The following CTCF variants were observed in gnomAD, a reference collection of about 807,000 sequenced individuals.
CTCF encodes the protein transcriptional repressor CTCF.
Under a neutral mutation model 72.3 loss-of-function variants are expected in CTCF, and 7 were observed. The ratio of observed to expected loss-of-function variants is 0.10; its 90% CI spans 0.06 to 0.18. The LOEUF is 0.18. Ranked by LOEUF, CTCF falls within the 10% of genes least tolerant of loss-of-function variation. CTCF has a pLI of 1.00. For synonymous variants in CTCF, 374 were observed against 315.8 expected (o/e 1.18, Z -1.95); for missense variants, 516 against 949.1 (o/e 0.54, Z 6.00).
At chr16:67,603,556 G>A (rs919817162) in intron 2 of CTCF, among the ~76,000 whole-genome samples, 1 of 151,450 alleles carries the variant, frequency 6.6e-6, no homozygotes, top group Non-Finnish European at 1.5e-5. Flanking sequence ...TGGGTGTGGT[G>A]GCTCACACCT....
At chr16:67,606,528 A>G (rs1451171119) in intron 2 of CTCF, among the ~76,000 whole-genome samples, 2 of 151,742 alleles carry the variant, frequency 1.3e-5, no homozygotes, top group South Asian at 2.1e-4. Context: ...CCCGGCCCCT[A>G]TTTTGCTCTT....
intron 2 of CTCF, among the ~76,000 whole-genome samples, chr16:67,575,547 C>A (rs894287901): frequency 6.6e-6 from 1 of 151,998 alleles, no homozygotes; most frequent in Non-Finnish European, 1.5e-5. Flanking sequence ...CGGGTTCAAC[C>A]GATTCTCCTG....
rs1352785689 is a variant in CTCF at position 67,571,221 on chromosome 16, G to T, written c.-53G>T. 6.6e-6 allele frequency: 1 copy of T among 152,574 alleles called. No individual in the cohort carries two copies. Among genetic ancestry groups the T allele is most frequent in the Non-Finnish European group, 1.5e-5 (1 of 68,044 alleles). The allele number at this position is 152,574 out of a possible 1,614,324, so 9.5% of individuals were successfully genotyped here. On this transcript the variant is annotated 5_prime_UTR_variant, in exon 2 of 12. Coordinates refer to ENST00000264010, the MANE Select transcript of CTCF (RefSeq NM_006565.4). ...TTGCTGACCAGGGGCTTGAGAGCTG[G>T]GTTCTATTTTCCCTCCTCAAACTGA...
intron 2 of CTCF, among the ~76,000 whole-genome samples, chr16:67,584,885 A>G (rs2051648255): frequency 6.6e-6 from 1 of 152,160 alleles, no homozygotes. Flanking sequence ...TGGGTTTCCC[A>G]GAATTTCCTG....
chr16:67,632,701 A>G (rs1287921602), intron 10 of CTCF, among the ~76,000 whole-genome samples: 1 of 152,180 alleles, frequency 6.6e-6, no homozygotes, highest in Non-Finnish European at 1.5e-5. Context: ...CATTGGGCCA[A>G]CTTAGGCAAT....
intron 10 of CTCF, chr16:67,635,772 A>T (rs2052420887): frequency 6.6e-6 from 1 of 151,084 alleles, no homozygotes; most frequent in Non-Finnish European, 1.5e-5. Context: ...TACAGGTGTG[A>T]GCCACCACGC....
intron 2 of CTCF, among the ~76,000 whole-genome samples, chr16:67,602,829 G>A (rs2051914339): frequency 2.6e-5 from 3 of 117,010 alleles, no homozygotes; most frequent in South Asian, 2.6e-4. Flanking sequence ...CAACAAGAGT[G>A]AAACTCCATC....
chr16:67,587,138 G>A (rs996547259), intron 2 of CTCF, among the ~76,000 whole-genome samples: 4 of 128,886 alleles, frequency 3.1e-5, no homozygotes, highest in Admixed American at 9.4e-5. Flanking sequence ...ACAGGGTCTC[G>A]CTCTGTCGCC....
Position 67,612,636 on chromosome 16 carries a change from TA to T in CTCF, c.952+527del, listed in dbSNP as rs924682492. On this transcript the variant is annotated intron_variant, in intron 4 of 11. Coordinates refer to ENST00000264010, the MANE Select transcript of CTCF (RefSeq NM_006565.4). ...ATAGAAGTGAAATCCTACCTTTATT[TA>T]AAAAAAAAAAAGTGGCCGGGTACAG... Among the ~76,000 whole-genome samples the T allele has an allele frequency of 1.5e-3, 218 of 141,302 alleles. 1 individual carries two copies. Among genetic ancestry groups the T allele is most frequent in the East Asian group, 5.0e-3 (24 of 4,834 alleles). The allele number at this position is 141,302 out of a possible 152,430, so 92.7% of individuals were successfully genotyped here.
chr16:67,587,635 CTT>C (rs1209016865), intron 2 of CTCF, among the ~76,000 whole-genome samples: 4 of 151,502 alleles, frequency 2.6e-5, no homozygotes, highest in Non-Finnish European at 5.9e-5. Flanking sequence ...AACTTCAAGG[CTT>C]ACTCTGCTTG....
intron 10 of CTCF, among the ~76,000 whole-genome samples, chr16:67,630,553 G>A (rs1189164435): frequency 6.6e-6 from 1 of 152,148 alleles, no homozygotes; most frequent in African/African-American, 2.4e-5. Flanking sequence ...TCAGGAGTTC[G>A]AGACCAGCCT....
intron 2 of CTCF, among the ~76,000 whole-genome samples, chr16:67,595,051 C>G (rs1356230384): frequency 6.6e-6 from 1 of 152,132 alleles, no homozygotes; most frequent in Non-Finnish European, 1.5e-5. Flanking sequence ...GTACAGAGCT[C>G]TGGGAGCTAA....
Position 67,610,859 on chromosome 16 carries a change from T to G in CTCF, c.27T>G (p.Ile9Met). 1 of 1,496,632 alleles carries G rather than the reference T, an allele frequency of 6.7e-7. No homozygotes were observed. The highest frequency in any genetic ancestry group is 8.9e-7 in the Non-Finnish European group (1 of 1,122,086). 92.7% of individuals were successfully genotyped at this position (1,496,632 alleles called of 1,614,324 possible). A position where few individuals can be genotyped will look rare whatever the true frequency, so the allele number is the denominator to read the frequency against. The change falls in exon 3 of 12, where the codon ATT becomes ATG. Residue 9 changes from isoleucine (I) to methionine (M), a missense_variant. Physicochemically the swap from Ile to Met is conservative, Grantham distance 10. Around this residue, in one of 7 missense-constraint regions of CTCF, gnomAD observed 148 missense variants for 194.9 expected, o/e 0.76. Transcript: ENST00000264010. The stretch of plus-strand genomic sequence containing the variant: ...TGGAAGGTGATGCAGTCGAAGCCAT[T>G]GTGGAGGAGTCCGAAACTTTTATTA... MEGDAVEA[I>M]VEESETFIKG...
Position 67,637,674 on chromosome 16 carries a change from C to T in CTCF, c.2000-14C>T. The T allele has an allele frequency of 6.2e-7, 1 of 1,606,636 alleles. No homozygotes were observed. Among genetic ancestry groups the T allele is most frequent in the South Asian group, 1.1e-5 (1 of 90,428 alleles). On this transcript the variant is annotated splice_polypyrimidine_tract_variant and intron_variant, in intron 11 of 11. Transcript: ENST00000264010. ...TAATGGACCATTTGTTCTGTCTGTG[C>T]TCTTCTTTGCCAGCAACAGCTATCA...
intron 4 of CTCF, 196 bp from the exon 5 acceptor site, chr16:67,616,544 TTATAA>T (rs1489585532): frequency 3.4e-6 from 2 of 582,688 alleles, no homozygotes. Context: ...TTGGTATGTG[TTATAA>T]TATCCTGGTG....
Position 67,637,526 on chromosome 16 carries a change from G to A in CTCF, c.2000-162G>A, listed in dbSNP as rs186542506. Reference sequence around the variant, plus strand: ...CAGCCTGGTCATAGAGCAAGACTCCGTCTCAAAAAATAAAATAAAAAATAA... The same window carrying A: ...CAGCCTGGTCATAGAGCAAGACTCCATCTCAAAAAATAAAATAAAAAATAA... On this transcript the variant is annotated intron_variant, in intron 11 of 11. Transcript: ENST00000264010. Among the ~76,000 whole-genome samples, 456 of 152,214 alleles carry A rather than the reference G, an allele frequency of 3.0e-3. 4 individuals are homozygous for A. Among genetic ancestry groups the A allele is most frequent in the South Asian group, 0.015 (74 of 4,820 alleles).
At chr16:67,583,099 C>A (rs1339996896) in intron 2 of CTCF, among the ~76,000 whole-genome samples, 2 of 151,432 alleles carry the variant, frequency 1.3e-5, no homozygotes, top group Non-Finnish European at 2.9e-5. Flanking sequence ...ATTTTCCTGC[C>A]TCAACCTCCC....
chr16:67,579,358 TG>T (rs1395696246), intron 2 of CTCF, among the ~76,000 whole-genome samples: 1 of 151,990 alleles, frequency 6.6e-6, no homozygotes, highest in Non-Finnish European at 1.5e-5. Flanking sequence ...TGTTTTTTTT[TG>T]TTTTTTTTTT....
rs577315535 is a variant in CTCF, at chr16:67,584,028, C to T, written c.-10+12764C>T. Among the ~76,000 whole-genome samples the T allele has an allele frequency of 5.1e-5, 7 of 138,378 alleles. No homozygotes were observed. The East Asian group carries it at 1.2e-3, about 23-fold the overall frequency. 90.8% of individuals were successfully genotyped at this position (138,378 alleles called of 152,430 possible). A position where few individuals can be genotyped will look rare whatever the true frequency, so the allele number is the denominator to read the frequency against. ...AGGGGACTGCAAAGCCAGAGAACCA[C>T]TCTTTGCTTCATGCTTGTGTGCAGC... is the stretch of plus-strand genomic sequence containing the variant. On this transcript the variant is annotated intron_variant, in intron 2 of 11. Coordinates refer to ENST00000264010, the MANE Select transcript of CTCF (RefSeq NM_006565.4).
Sources: allele counts gnomAD v4.1 joint callset (sites outside exome capture counted in the v4.1 genomes callset), GRCh38; gene constraint gnomAD v4.1.1; regional missense constraint gnomAD v4.1.1; transcripts MANE v1.5; gene names NCBI Gene and HGNC (gene_info 2026-07-23, HGNC 2026-07-21).